The following DCLK1 variants were observed in gnomAD, a reference collection of about 807,000 sequenced individuals.
DCLK1 encodes the protein doublecortin like kinase 1, also known as serine/threonine-protein kinase DCLK1.
Under a neutral mutation model 86.2 loss-of-function variants are expected in DCLK1, and 16 were observed. That is an observed-to-expected ratio of 0.19 (90% CI 0.13 to 0.28). The LOEUF (loss-of-function observed/expected upper bound fraction) is 0.28, where lower values mean the gene tolerates loss of function less well. DCLK1 is among the 10% of genes least tolerant of loss of function. DCLK1 has a pLI of 1.00. For missense variants in DCLK1, 590 were observed against 940.2 expected (o/e 0.63, Z 4.87); for synonymous variants, 369 against 370.5 (o/e 1.00, Z 0.05).
rs552025018 is a variant in DCLK1, at chr13:35,817,174, C to T, written c.1554+5555G>A. On this transcript the variant is annotated intron_variant, in intron 11 of 16. Coordinates refer to ENST00000360631, the MANE Select transcript of DCLK1 (RefSeq NM_001330071.2). ...CAAACACAGACCCACCAAGGTGACACAAGGTGAAAATCAATGTCTTCTTAA... is the reference window on the plus strand; with the variant it reads ...CAAACACAGACCCACCAAGGTGACATAAGGTGAAAATCAATGTCTTCTTAA... Among the ~76,000 whole-genome samples, 10 of 152,316 alleles carry T rather than the reference C, an allele frequency of 6.6e-5. No individual in the cohort carries two copies. In the South Asian group the frequency reaches 2.1e-3, roughly 32 times the overall value.
intron 3 of DCLK1, among the ~76,000 whole-genome samples, chr13:35,991,923 G>C (rs1049841537): frequency 2.6e-5 from 4 of 152,176 alleles, no homozygotes; most frequent in African/African-American, 9.6e-5. Flanking sequence ...CATTGATCAA[G>C]CTTTTTCTAA....
chr13:36,099,933 T>C (rs1031289758), intron 3 of DCLK1, among the ~76,000 whole-genome samples: 1 of 152,156 alleles, frequency 6.6e-6, no homozygotes, highest in Non-Finnish European at 1.5e-5. Flanking sequence ...CTATAAACTG[T>C]TGCCAAATGC....
At chr13:35,906,265 G>A (rs917453712) in intron 4 of DCLK1, among the ~76,000 whole-genome samples, 3 of 151,238 alleles carry the variant, frequency 2.0e-5, no homozygotes, top group African/African-American at 7.3e-5. Context: ...CCTAAATTTA[G>A]GAAGTAGATG....
chr13:36,110,921 C>T (rs1347029660), intron 3 of DCLK1, among the ~76,000 whole-genome samples: 1 of 149,974 alleles, frequency 6.7e-6, no homozygotes, highest in Non-Finnish European at 1.5e-5. Flanking sequence ...AGCTCCGCCT[C>T]CCGGGTTCAC....
At chr13:36,037,875 TAGAA>T (rs1218679331) in intron 3 of DCLK1, among the ~76,000 whole-genome samples, 2 of 151,980 alleles carry the variant, frequency 1.3e-5, no homozygotes, top group Non-Finnish European at 1.5e-5. Context: ...ATTTAAAAAA[TAGAA>T]AGAAAATCTA....
At chr13:35,835,637 T>C (rs1211529775) in intron 8 of DCLK1, among the ~76,000 whole-genome samples, 1 of 152,218 alleles carries the variant, frequency 6.6e-6, no homozygotes, top group African/African-American at 2.4e-5. Flanking sequence ...AAGATGATCG[T>C]GTATGTATTT....
chr13:36,082,101 T>G (rs536140293), intron 3 of DCLK1, among the ~76,000 whole-genome samples: 1 of 152,114 alleles, frequency 6.6e-6, no homozygotes, highest in South Asian at 2.1e-4. Flanking sequence ...ATACGCAGAT[T>G]TTTTTCAATA....
chr13:35,785,925 T>C (rs2086613618), intron 16 of DCLK1, among the ~76,000 whole-genome samples: 2 of 152,228 alleles, frequency 1.3e-5, no homozygotes, highest in Admixed American at 6.5e-5. Context: ...TAATTAAGCA[T>C]ATATGCCGAT....
At chr13:36,067,815 C>T (rs1883816509) in intron 3 of DCLK1, among the ~76,000 whole-genome samples, 1 of 152,076 alleles carries the variant, frequency 6.6e-6, no homozygotes, top group African/African-American at 2.4e-5. Context: ...ACACAGCAGG[C>T]AGCATTTCCT....
At chr13:35,828,358 T>C (rs780407426) in intron 8 of DCLK1, 51 bp from the exon 9 acceptor site, 1 of 1,455,734 alleles carries the variant, frequency 6.9e-7, no homozygotes, top group South Asian at 1.2e-5. Flanking sequence ...TTCAAATCTA[T>C]TGAATTATTT....
chr13:35,947,476 G>T lies in DCLK1; in HGVS notation c.724-19C>A, dbSNP rs373922279. The T allele has an allele frequency of 3.1e-6, 5 of 1,603,302 alleles. No individual in the cohort carries two copies. The African/African-American group carries it at 5.4e-5, about 17-fold the overall frequency. On this transcript the variant is annotated intron_variant, in intron 3 of 16. Transcript: ENST00000360631. ...ACATCACCTACAAGAGAAAAGCATG[G>T]CACTCAGCAAGGGTGGTAGAACAGC...
At chr13:35,849,171 T>G (rs1428870639) in intron 6 of DCLK1, 21 of 985,234 alleles carry the variant, frequency 2.1e-5, no homozygotes, top group Non-Finnish European at 2.2e-5. Context: ...TCCTCTTCTT[T>G]TGGTTGGAAT....
intron 16 of DCLK1, among the ~76,000 whole-genome samples, chr13:35,785,563 C>A (rs1019792768): frequency 6.6e-6 from 1 of 152,104 alleles, no homozygotes; most frequent in Non-Finnish European, 1.5e-5. Context: ...AAGGGGAAAA[C>A]AAATCCCCAC....
intron 4 of DCLK1, among the ~76,000 whole-genome samples, chr13:35,879,910 A>G (rs1175445450): frequency 6.6e-6 from 1 of 152,110 alleles, no homozygotes; most frequent in Non-Finnish European, 1.5e-5. Context: ...TTATGTGACC[A>G]AAAACGTCCC....
intron 3 of DCLK1, among the ~76,000 whole-genome samples, chr13:36,049,299 C>T (rs1215330532): frequency 2.0e-5 from 3 of 152,120 alleles, no homozygotes; most frequent in African/African-American, 7.2e-5. Context: ...CTGATTTTTG[C>T]TAAGAATGTG....
chr13:36,101,200 C>T (rs1414180417), intron 3 of DCLK1, among the ~76,000 whole-genome samples: 2 of 152,222 alleles, frequency 1.3e-5, no homozygotes, highest in African/African-American at 2.4e-5. Flanking sequence ...TGCACATGCA[C>T]TTTGTGGCAT....
At chr13:35,867,440 T>C (rs1871875941) in intron 5 of DCLK1, among the ~76,000 whole-genome samples, 1 of 152,194 alleles carries the variant, frequency 6.6e-6, no homozygotes, top group Non-Finnish European at 1.5e-5. Flanking sequence ...GACTTACCTA[T>C]CACAAATTCC....
intron 4 of DCLK1, among the ~76,000 whole-genome samples, chr13:35,916,332 T>C (rs772766290): frequency 1.3e-5 from 2 of 152,194 alleles, no homozygotes; most frequent in South Asian, 2.1e-4. Flanking sequence ...CTGTACATTA[T>C]AGAAACACAA....
chr13:35,887,473 T>A (rs993738283), intron 4 of DCLK1, among the ~76,000 whole-genome samples: 2 of 152,186 alleles, frequency 1.3e-5, no homozygotes, highest in African/African-American at 4.8e-5. Context: ...TTGCTCACAA[T>A]TCCCAAGGGA....
Sources: allele counts gnomAD v4.1 joint callset (sites outside exome capture counted in the v4.1 genomes callset), GRCh38; gene constraint gnomAD v4.1.1; transcripts MANE v1.5; gene names NCBI Gene and HGNC (gene_info 2026-07-23, HGNC 2026-07-21).